The following TSPAN8 variants were observed in gnomAD, a reference collection of about 807,000 sequenced individuals.
The protein encoded by TSPAN8 is tetraspanin 8.
In TSPAN8, 21 loss-of-function variants were observed where a neutral mutation model predicts 32.8. The ratio of observed to expected loss-of-function variants is 0.64; its 90% CI spans 0.45 to 0.92. The LOEUF (loss-of-function observed/expected upper bound fraction) is 0.92. TSPAN8 is among the 40% of genes least tolerant of loss of function. The pLI is 0.00. For missense variants in TSPAN8, 269 were observed against 281.9 expected (o/e 0.95, Z 0.33); for synonymous variants, 95 against 94.6 (o/e 1.00, Z -0.03).
At chr12:71,126,756 T>C (rs1871361087) in intron 8 of TSPAN8, among the ~76,000 whole-genome samples, 1 of 138,628 alleles carries the variant, frequency 7.2e-6, no homozygotes, top group Admixed American at 7.1e-5. Flanking sequence ...TCTCAGTGTG[T>C]AGCACTTTTT....
At chr12:71,150,822 A>G (rs1264823286) in intron 2 of TSPAN8, among the ~76,000 whole-genome samples, 1 of 152,128 alleles carries the variant, frequency 6.6e-6, no homozygotes, top group Non-Finnish European at 1.5e-5. Context: ...ATGGTTTTAT[A>G]AGGAGAAACC....
chr12:71,139,596 A>T, intron 4 of TSPAN8, 115 bp downstream of exon 4: 1 of 1,357,682 alleles, frequency 7.4e-7, no homozygotes, highest in Non-Finnish European at 1.0e-6. Flanking sequence ...TTCTAAAGAG[A>T]AGTTGGAGTT....
At chr12:71,129,803 A>C (rs527588267) in intron 7 of TSPAN8, among the ~76,000 whole-genome samples, 3 of 152,108 alleles carry the variant, frequency 2.0e-5, no homozygotes, top group Non-Finnish European at 4.4e-5. Flanking sequence ...TTTTATCTTA[A>C]CTTTATTCAT....
At position 71,129,440 on chromosome 12, in the gene TSPAN8, G is replaced by C. The variant is rs761294906; in HGVS notation, c.577-26C>G. 5.9e-6 allele frequency: 9 copies of C among 1,534,510 alleles called. No homozygotes were observed. In the Admixed American group the frequency reaches 2.1e-4, roughly 35 times the overall value. On this transcript the variant is annotated intron_variant, in intron 7 of 8. Coordinates refer to ENST00000247829, the MANE Select transcript of TSPAN8 (RefSeq NM_004616.3). ...CTGTTAAAAAAAAAAAACATTAAAAGTTACCTCTCAGAAAAATTCGACCTT... is the reference window on the plus strand; with the variant it reads ...CTGTTAAAAAAAAAAAACATTAAAACTTACCTCTCAGAAAAATTCGACCTT...
chr12:71,139,623 T>C (rs1216491157), intron 4 of TSPAN8, 88 bp downstream of exon 4: 3 of 1,483,988 alleles, frequency 2.0e-6, no homozygotes, highest in Admixed American at 4.2e-5. Context: ...TCATCAATCA[T>C]GGCACGTTCT....
chr12:71,153,288 A>C (rs1037343262), intron 2 of TSPAN8, among the ~76,000 whole-genome samples: 1 of 152,214 alleles, frequency 6.6e-6, no homozygotes, highest in Non-Finnish European at 1.5e-5. Context: ...CGTACCTATA[A>C]TTTATCTATT....
chr12:71,126,706 A>C (rs1398316103), intron 8 of TSPAN8, among the ~76,000 whole-genome samples: 1 of 151,758 alleles, frequency 6.6e-6, no homozygotes. Context: ...TATTTCTAGG[A>C]CCTCCTGTTG....
At position 71,129,472 on chromosome 12, in the gene TSPAN8, A is replaced by G. The variant is rs1157978932; in HGVS notation, c.577-58T>C. Reference sequence around the variant, plus strand: ...CTCAGAAAAATTCGACCTTATATTAATCAAAATTTTTATTAATCTGGTTGA... The same window carrying G: ...CTCAGAAAAATTCGACCTTATATTAGTCAAAATTTTTATTAATCTGGTTGA... On this transcript the variant is annotated intron_variant, in intron 7 of 8. Transcript: ENST00000247829. The G allele has an allele frequency of 2.8e-6, 4 of 1,449,474 alleles. No individual in the cohort carries two copies. In the African/African-American group the frequency reaches 5.9e-5, roughly 21 times the overall value. The allele number at this position is 1,449,474 out of a possible 1,614,324, so 89.8% of individuals were successfully genotyped here. A position where few individuals can be genotyped will look rare whatever the true frequency, so the allele number is the denominator to read the frequency against.
intron 3 of TSPAN8, among the ~76,000 whole-genome samples, chr12:71,140,365 G>T (rs1871864538): frequency 6.6e-6 from 1 of 152,106 alleles, no homozygotes; most frequent in Admixed American, 6.6e-5. Flanking sequence ...CAAAACTATG[G>T]TTATAAAAAT....
chr12:71,143,576 G>A (rs985975114), intron 3 of TSPAN8, among the ~76,000 whole-genome samples: 2 of 152,166 alleles, frequency 1.3e-5, no homozygotes, highest in African/African-American at 4.8e-5. Flanking sequence ...GAGAATTACT[G>A]AGTTTCACCA....
At chr12:71,128,501 G>A (rs935997589) in intron 8 of TSPAN8, among the ~76,000 whole-genome samples, 4 of 152,106 alleles carry the variant, frequency 2.6e-5, no homozygotes, top group Non-Finnish European at 5.9e-5. Context: ...TAATGCCCTG[G>A]AATAGGATTG....
At chr12:71,129,531 G>A (rs1308314181) in intron 7 of TSPAN8, 117 bp from the exon 8 acceptor site, 31 of 1,118,044 alleles carry the variant, frequency 2.8e-5, no homozygotes, top group South Asian at 3.7e-5. Context: ...CACACTTAAC[G>A]ACAAGGAACT....
chr12:71,128,862 A>G (rs180875629), intron 8 of TSPAN8, among the ~76,000 whole-genome samples: 1 of 152,278 alleles, frequency 6.6e-6, no homozygotes, highest in Admixed American at 6.5e-5. Context: ...TCTAGAATGT[A>G]ATAAGTAACA....
At chr12:71,153,066 T>G (rs1466835777) in intron 2 of TSPAN8, among the ~76,000 whole-genome samples, 1 of 152,118 alleles carries the variant, frequency 6.6e-6, no homozygotes, top group African/African-American at 2.4e-5. Flanking sequence ...CATTCTTCTT[T>G]CCCTCATTAA....
chr12:71,132,161 A>T (rs1003408653), intron 7 of TSPAN8, among the ~76,000 whole-genome samples: 3 of 152,214 alleles, frequency 2.0e-5, no homozygotes, highest in African/African-American at 7.2e-5. Flanking sequence ...TAACTTCTCA[A>T]TTGCAGCAAT....
intron 6 of TSPAN8, among the ~76,000 whole-genome samples, chr12:71,137,315 G>A (rs1271605124): frequency 6.6e-6 from 1 of 151,968 alleles, no homozygotes; most frequent in Non-Finnish European, 1.5e-5. Flanking sequence ...AGAAGAGAGA[G>A]AGGCCATGTG....
In TSPAN8 at chr12:71,132,768, G is replaced by A. The variant is rs140845131; in HGVS notation, c.501C>T (p.His167=). The change falls in exon 7 of 9, where the codon CAC becomes CAT. Residue 167 remains histidine, a synonymous_variant. Coordinates refer to ENST00000247829, the MANE Select transcript of TSPAN8 (RefSeq NM_004616.3). ...CTAGACAGGCACATAATTCAGGATA[G>A]TGTTGAAAATTATTTCCCCAATCAG... ...GAADWGNNFQ[H]YPELCACLDK... is the part of the protein sequence containing the mutation. The A allele has an allele frequency of 4.2e-5, 68 of 1,613,962 alleles. 1 individual carries two copies. In the African/African-American group the frequency reaches 6.7e-4, roughly 16 times the overall value.
chr12:71,131,999 C>T (rs918697294), intron 7 of TSPAN8, among the ~76,000 whole-genome samples: 2 of 152,094 alleles, frequency 1.3e-5, no homozygotes, highest in Admixed American at 6.5e-5. Flanking sequence ...GAAAGCTTGG[C>T]GCATAGGAGG....
intron 7 of TSPAN8, among the ~76,000 whole-genome samples, chr12:71,131,844 C>T (rs1871527232): frequency 6.6e-6 from 1 of 151,728 alleles, no homozygotes. Context: ...TCCCATAACA[C>T]CTTGCACCCA....
Sources: gnomAD v4.1 joint callset for allele counts (sites outside exome capture counted in the v4.1 genomes callset) on GRCh38, gnomAD v4.1.1 for gene constraint, MANE v1.5 for transcripts, NCBI Gene and HGNC (gene_info 2026-07-23, HGNC 2026-07-21) for gene names.